CCDC148: variants seen among roughly 807,000 people sequenced by gnomAD.
The protein encoded by CCDC148 is coiled-coil domain containing 148.
In CCDC148, 89 loss-of-function variants were observed where a neutral mutation model predicts 85.7. That is an observed-to-expected ratio of 1.04 (90% CI 0.87 to 1.24). The LOEUF is 1.24. CCDC148 is among the 50% of genes most tolerant of loss of function. The pLI is 0.00. For synonymous variants in CCDC148, 230 were observed against 213.9 expected (o/e 1.08, Z -0.66); for missense variants, 692 against 671.7 (o/e 1.03, Z -0.33).
chr2:158,354,781 A>G lies in CCDC148; in HGVS notation c.147+3668T>C, dbSNP rs1271834134. Among the ~76,000 whole-genome samples the G allele has an allele frequency of 2.0e-5, 3 of 150,716 alleles. No homozygotes were observed. The East Asian group carries it at 5.9e-4, about 30-fold the overall frequency. ...CCGGGCAGAGACACAACAAAAAAAG[A>G]GAATTTTAGACCAATATCCTTGATG... On this transcript the variant is annotated intron_variant, in intron 2 of 13. Coordinates refer to ENST00000283233, the MANE Select transcript of CCDC148 (RefSeq NM_138803.4).
At chr2:158,268,549 T>G (rs748947412) in intron 9 of CCDC148, among the ~76,000 whole-genome samples, 3 of 152,190 alleles carry the variant, frequency 2.0e-5, no homozygotes, top group Non-Finnish European at 4.4e-5. Context: ...ACAATCAAGT[T>G]AGTTAACACA....
intron 7 of CCDC148, among the ~76,000 whole-genome samples, chr2:158,314,585 T>C (rs1427945063): frequency 6.6e-6 from 1 of 152,204 alleles, no homozygotes; most frequent in East Asian, 1.9e-4. Flanking sequence ...CTAGGCACCA[T>C]CCTGGTTTGC....
intron 7 of CCDC148, among the ~76,000 whole-genome samples, chr2:158,329,775 A>G (rs72621684): frequency 0.78 from 117,728 of 151,772 alleles, 45,985 homozygotes; most frequent in East Asian, 0.95. Context: ...TGAAGCAATT[A>G]TGAATGGGAG....
At chr2:158,436,865 T>C (rs1033929552) in intron 1 of CCDC148, among the ~76,000 whole-genome samples, 1 of 152,164 alleles carries the variant, frequency 6.6e-6, no homozygotes, top group African/African-American at 2.4e-5. Flanking sequence ...GGAAATAAAC[T>C]AGAAAATCTA....
chr2:158,378,118 G>C (rs1684729130), intron 1 of CCDC148, among the ~76,000 whole-genome samples: 1 of 152,082 alleles, frequency 6.6e-6, no homozygotes, highest in East Asian at 1.9e-4. Context: ...AGTTAGCCAA[G>C]CTGTGAATGC....
intron 1 of CCDC148, among the ~76,000 whole-genome samples, chr2:158,427,192 T>C (rs562580949): frequency 1.3e-5 from 2 of 152,192 alleles, no homozygotes; most frequent in Non-Finnish European, 2.9e-5. Flanking sequence ...TCAGAACAGA[T>C]GAAATGATAA....
intron 9 of CCDC148, among the ~76,000 whole-genome samples, chr2:158,303,876 T>C (rs1165015990): frequency 1.3e-5 from 2 of 152,192 alleles, no homozygotes; most frequent in East Asian, 1.9e-4. Flanking sequence ...CTTAGATTTG[T>C]CATTGAAGAG....
intron 1 of CCDC148, among the ~76,000 whole-genome samples, chr2:158,455,582 A>C (rs1014189314): frequency 6.6e-6 from 1 of 152,146 alleles, no homozygotes; most frequent in African/African-American, 2.4e-5. Context: ...AATTTCCAAA[A>C]TCCTATCAGC....
intron 1 of CCDC148, among the ~76,000 whole-genome samples, chr2:158,358,884 T>G (rs1409012160): frequency 6.6e-6 from 1 of 152,100 alleles, no homozygotes; most frequent in African/African-American, 2.4e-5. Context: ...ATGACGACTG[T>G]TAACCCATTC....
At chr2:158,357,218 T>G (rs190620868) in intron 2 of CCDC148, among the ~76,000 whole-genome samples, 82 of 150,304 alleles carry the variant, frequency 5.5e-4, no homozygotes, top group Admixed American at 4.0e-3. Context: ...ACCCTAAAAC[T>G]TAAAGTATAA....
chr2:158,292,818 T>C (rs940399863), intron 9 of CCDC148, among the ~76,000 whole-genome samples: 1 of 152,142 alleles, frequency 6.6e-6, no homozygotes, highest in Non-Finnish European at 1.5e-5. Context: ...AAAAACACCA[T>C]GAAGAATATA....
At chr2:158,373,796 C>T (rs571947212) in intron 1 of CCDC148, among the ~76,000 whole-genome samples, 19 of 152,092 alleles carry the variant, frequency 1.2e-4, no homozygotes, top group Non-Finnish European at 2.4e-4. Flanking sequence ...AATTATTTTC[C>T]TTTGTGGTAC....
At chr2:158,205,417 T>C (rs957884434) in intron 11 of CCDC148, among the ~76,000 whole-genome samples, 1 of 152,180 alleles carries the variant, frequency 6.6e-6, no homozygotes, top group African/African-American at 2.4e-5. Context: ...GACATCCATA[T>C]GGCAAAGCCC....
At chr2:158,279,561 A>C (rs1302074118) in intron 9 of CCDC148, among the ~76,000 whole-genome samples, 1 of 152,150 alleles carries the variant, frequency 6.6e-6, no homozygotes, top group African/African-American at 2.4e-5. Flanking sequence ...TGAAGTGAGA[A>C]GGTAAGTTTA....
chr2:158,394,393 T>C (rs184626213), intron 1 of CCDC148, among the ~76,000 whole-genome samples: 1 of 151,912 alleles, frequency 6.6e-6, no homozygotes, highest in African/African-American at 2.4e-5. Flanking sequence ...GGAAAGAAAA[T>C]AGAACTATTC....
intron 9 of CCDC148, among the ~76,000 whole-genome samples, chr2:158,294,689 T>C (rs145843428): frequency 6.6e-6 from 1 of 152,126 alleles, no homozygotes; most frequent in Admixed American, 6.5e-5. Flanking sequence ...CCAGGCGTGG[T>C]GGCTGGTGCC....
At chr2:158,370,523 A>G (rs1322562630) in intron 1 of CCDC148, among the ~76,000 whole-genome samples, 1 of 152,060 alleles carries the variant, frequency 6.6e-6, no homozygotes, top group Admixed American at 6.6e-5. Context: ...AGATCCCACA[A>G]CATTTTCATT....
At chr2:158,378,412 A>G (rs767629853) in intron 1 of CCDC148, among the ~76,000 whole-genome samples, 1 of 152,182 alleles carries the variant, frequency 6.6e-6, no homozygotes, top group Non-Finnish European at 1.5e-5. Flanking sequence ...TTCAGAACAT[A>G]AAAATGCAAG....
chr2:158,340,692 G>A lies in CCDC148; in HGVS notation c.252-12C>T. The A allele has an allele frequency of 7.0e-7, 1 of 1,423,464 alleles. No homozygotes were observed. The highest frequency in any genetic ancestry group is 2.1e-4 in the Middle Eastern group (1 of 4,784). 88.2% of individuals were successfully genotyped at this position (1,423,464 alleles called of 1,614,324 possible). ...ATTCCATTTTACATCTGAAATAGAT[G>A]TGATCTCAATAAATGTTACAATCAT... On this transcript the variant is annotated splice_polypyrimidine_tract_variant and intron_variant, in intron 3 of 13. Transcript: ENST00000283233.
Sources: gnomAD v4.1 joint callset for allele counts (sites outside exome capture counted in the v4.1 genomes callset) on GRCh38, gnomAD v4.1.1 for gene constraint, MANE v1.5 for transcripts, NCBI Gene and HGNC (gene_info 2026-07-23, HGNC 2026-07-21) for gene names.